PCLO: variants seen among roughly 807,000 people sequenced by gnomAD.
PCLO encodes piccolo presynaptic cytomatrix protein.
Under a neutral mutation model 427.5 loss-of-function variants are expected in PCLO, and 82 were observed. That is an observed-to-expected ratio of 0.19 (90% CI 0.16 to 0.23). The LOEUF (loss-of-function observed/expected upper bound fraction) is 0.23. Among genes scored for constraint, PCLO ranks in the 10% least tolerant of loss-of-function variants. The pLI is 1.00. For synonymous variants in PCLO, 2,357 were observed against 2,155.4 expected (o/e 1.09, Z -2.59); for missense variants, 6,239 against 6,115.9 (o/e 1.02, Z -0.67).
At position 82,952,822 on chromosome 7, in the gene PCLO, C is replaced by T. The variant is rs368487860; in HGVS notation, c.8131G>A (p.Glu2711Lys). 9.3e-6 allele frequency: 15 copies of T among 1,613,670 alleles called. No homozygotes were observed. Among genetic ancestry groups the T allele is most frequent in the Middle Eastern group, 1.6e-4 (1 of 6,082 alleles). The change falls in exon 5 of 25, where the codon GAG (glutamate) becomes AAG (lysine). Residue 2711 changes from glutamate to lysine, a missense_variant. Around this residue, in one of 5 missense-constraint regions of PCLO, gnomAD observed 4,677 missense variants for 4,468.4 expected, o/e 1.05. Transcript: ENST00000333891. Reference protein sequence around the residue: ...EPLALDNIHLEKPQYKEDGKL... With the variant: ...EPLALDNIHLKKPQYKEDGKL... ...CCATCTTCTTTATACTGAGGCTTCT[C>T]TAAATGTATGTTATCTAGAGCAAGA...
rs750767479 is a variant in PCLO, at chr7:83,155,647, G to A, written c.994C>T (p.Pro332Ser). 6.2e-7 allele frequency: 1 copy of A among 1,612,948 alleles called. No homozygotes were observed. The highest frequency in any genetic ancestry group is 2.2e-5 in the East Asian group (1 of 44,728). Residue 332 changes from proline to serine, a missense_variant, in exon 2 of 25, where the codon CCA becomes TCA. Physicochemically the swap from Pro to Ser is moderately conservative, Grantham distance 74 (BLOSUM62 -1). Transcript: ENST00000333891. Reference sequence around the variant, plus strand: ...TTTGTTAGCCCTGAGGGCTGAGCTGGGGGCTTTGCAGGCCCAGGCTGTGAT... The same window carrying A: ...TTTGTTAGCCCTGAGGGCTGAGCTGAGGGCTTTGCAGGCCCAGGCTGTGAT... ...EKSQPGPAKP[P>S]AQPSGLTKPL...
chr7:83,160,578 T>G (rs1249984393), intron 1 of PCLO, among the ~76,000 whole-genome samples: 1 of 152,118 alleles, frequency 6.6e-6, no homozygotes, highest in Non-Finnish European at 1.5e-5. Flanking sequence ...GGATGAAGTT[T>G]TCACCAATAC....
rs555877224 is a variant in PCLO, at chr7:82,754,581, A to G, written c.*3994T>C. On this transcript the variant is annotated 3_prime_UTR_variant, in exon 25 of 25. Coordinates refer to ENST00000333891, the MANE Select transcript of PCLO (RefSeq NM_033026.6). ...ACTTCGTCTACTTTACCAAGTGTAT[A>G]CTTATGTACAAGGTAATGCATTAAG... 6.6e-6 allele frequency: 1 copy of G among 152,278 alleles called. No homozygotes were observed. Among genetic ancestry groups the G allele is most frequent in the East Asian group, 1.9e-4 (1 of 5,184 alleles). The allele number at this position is 152,278 out of a possible 1,614,324, so 9.4% of individuals were successfully genotyped here.
chr7:82,999,630 T>G (rs796457023), intron 3 of PCLO, among the ~76,000 whole-genome samples: 2 of 33,846 alleles, frequency 5.9e-5, no homozygotes, highest in Admixed American at 1.2e-3. Flanking sequence ...AATATAATAT[T>G]ATATTAAAAT....
In PCLO at chr7:83,162,613, C is replaced by T. The variant is rs1792475836; in HGVS notation, c.-21G>A. 1 of 1,515,692 alleles carries T rather than the reference C, an allele frequency of 6.6e-7. No individual in the cohort carries two copies. Among genetic ancestry groups the T allele is most frequent in the African/African-American group, 1.4e-5 (1 of 72,272 alleles). 93.9% of individuals were successfully genotyped at this position (1,515,692 alleles called of 1,614,324 possible). A position where few individuals can be genotyped will look rare whatever the true frequency, so the allele number is the denominator to read the frequency against. ...CCCATGGCTCAGGGAGACTCGGGGC[C>T]GCCGCGCTCCCTCCTCGCGCCGCGT... On this transcript the variant is annotated 5_prime_UTR_variant, in exon 1 of 25. Transcript: ENST00000333891.
intron 20 of PCLO, among the ~76,000 whole-genome samples, chr7:82,809,935 A>G (rs1046497819): frequency 3.3e-5 from 5 of 151,670 alleles, no homozygotes; most frequent in Admixed American, 6.6e-5. Context: ...TACACTAACC[A>G]TCAGAGATTA....
chr7:83,059,426 C>T (rs1379490740), intron 3 of PCLO, among the ~76,000 whole-genome samples: 6 of 142,106 alleles, frequency 4.2e-5, no homozygotes, highest in Non-Finnish European at 9.1e-5. Context: ...AAAGGTTTGG[C>T]TAAAACACAT....
rs57607795 is a variant in PCLO at position 82,760,632 on chromosome 7, G to T, written c.15288+7C>A. 47,657 of 1,571,172 alleles carry T rather than the reference G, an allele frequency of 0.03. 2,323 individuals are homozygous for T. The highest frequency in any genetic ancestry group is 0.23 in the African/African-American group (16,334 of 72,290). ...TTTCAAATATGAACTACATAATACA[G>T]AGCTACCTGAAGAGAATGTCCTGCA... On this transcript the variant is annotated splice_region_variant and intron_variant, in intron 24 of 24. Transcript: ENST00000333891.
At chr7:82,922,172 G>T (rs577194923) in intron 6 of PCLO, among the ~76,000 whole-genome samples, 14 of 152,080 alleles carry the variant, frequency 9.2e-5, no homozygotes, top group African/African-American at 3.4e-4. Context: ...GTGGAAAGCA[G>T]TTTGGAGGTT....
chr7:82,986,838 G>T (rs993864816), intron 3 of PCLO, among the ~76,000 whole-genome samples: 1 of 151,796 alleles, frequency 6.6e-6, no homozygotes, highest in Non-Finnish European at 1.5e-5. Flanking sequence ...TATAATTATT[G>T]ATGACCCAGG....
intron 2 of PCLO, among the ~76,000 whole-genome samples, chr7:83,150,530 AT>A (rs1792102805): frequency 6.6e-6 from 1 of 152,140 alleles, no homozygotes; most frequent in Non-Finnish European, 1.5e-5. Context: ...TCGGGGAGTG[AT>A]GATTCGTGAG....
At position 82,950,463 on chromosome 7, in the gene PCLO, G is replaced by A. The variant is rs553676793; in HGVS notation, c.10125C>T (p.Thr3375=). ...ACTGAGTAACACCATCAGACTGAAC[G>A]GTGTACCATCCTTGGCTTTGTGGTA... ...IEIPQSQGWY[T]VQSDGVTQYI... Residue 3375 remains threonine (T), a synonymous_variant, in exon 6 of 25, where the codon ACC becomes ACT. Coordinates refer to ENST00000333891, the MANE Select transcript of PCLO (RefSeq NM_033026.6). 2.9e-5 allele frequency: 47 copies of A among 1,613,668 alleles called. 1 individual carries two copies. Among genetic ancestry groups the A allele is most frequent in the Middle Eastern group, 3.3e-4 (2 of 6,062 alleles).
intron 22 of PCLO, among the ~76,000 whole-genome samples, chr7:82,781,679 ATC>A (rs1211404645): frequency 1.3e-5 from 2 of 152,100 alleles, no homozygotes; most frequent in African/African-American, 4.8e-5. Context: ...AGGAAATAGA[ATC>A]TCTCTCCTGC....
chr7:82,940,570 G>A (rs934131345), intron 6 of PCLO, among the ~76,000 whole-genome samples: 3 of 151,934 alleles, frequency 2.0e-5, no homozygotes, highest in African/African-American at 7.2e-5. Context: ...GGAATGGCGA[G>A]GATAATCATC....
At chr7:83,144,154 G>A (rs1161983474) in intron 2 of PCLO, among the ~76,000 whole-genome samples, 1 of 152,174 alleles carries the variant, frequency 6.6e-6, no homozygotes, top group South Asian at 2.1e-4. Context: ...AGGTGCAGAG[G>A]CTCATGCCTG....
intron 3 of PCLO, among the ~76,000 whole-genome samples, chr7:83,107,610 T>A (rs1790890200): frequency 6.6e-6 from 1 of 151,532 alleles, no homozygotes; most frequent in Non-Finnish European, 1.5e-5. Context: ...GATAAATACT[T>A]AACTAAAAAC....
At chr7:82,819,373 G>C (rs1036089953) in intron 20 of PCLO, among the ~76,000 whole-genome samples, 1 of 151,900 alleles carries the variant, frequency 6.6e-6, no homozygotes, top group African/African-American at 2.4e-5. Context: ...TGTCTAGGAA[G>C]AAAATCATAT....
intron 7 of PCLO, among the ~76,000 whole-genome samples, chr7:82,912,825 C>T (rs1794354965): frequency 6.6e-6 from 1 of 152,014 alleles, no homozygotes; most frequent in African/African-American, 2.4e-5. Flanking sequence ...TATCTGGCAG[C>T]ATGTTGACAA....
intron 3 of PCLO, among the ~76,000 whole-genome samples, chr7:83,051,679 A>G (rs1176323369): frequency 6.6e-6 from 1 of 152,158 alleles, no homozygotes; most frequent in Non-Finnish European, 1.5e-5. Context: ...CCAGAAAGTT[A>G]TTTTGTGGAT....
Sources: allele counts gnomAD v4.1 joint callset (sites outside exome capture counted in the v4.1 genomes callset), GRCh38; gene constraint gnomAD v4.1.1; regional missense constraint gnomAD v4.1.1; transcripts MANE v1.5; gene names NCBI Gene and HGNC (gene_info 2026-07-23, HGNC 2026-07-21).